Variants in TCL1B observed in about 807,000 individuals in gnomAD.
The protein encoded by TCL1B is TCL1 family AKT coactivator B, also known as T-cell leukemia/lymphoma protein 1B.
A neutral mutation model predicts 16.9 loss-of-function variants in TCL1B; 14 were observed. The observed-to-expected ratio is 0.83, with a 90% CI of 0.55 to 1.30. TCL1B has a LOEUF of 1.30. Ranked by LOEUF, TCL1B falls within the 50% of genes most tolerant of loss-of-function variation. The probability of loss-of-function intolerance (pLI) is 0.00; values close to 1 mark genes in which losing one functional copy is unlikely to be tolerated. For missense variants in TCL1B, 166 were observed against 165.2 expected, an observed-to-expected ratio of 1.00 and a Z score of -0.03; for synonymous variants, 79 against 66.6, an observed-to-expected ratio of 1.19 and a Z score of -0.91.
intron 1 of TCL1B, among the ~76,000 whole-genome samples, chr14:95,687,088 G>T (rs998302507): frequency 6.6e-6 from 1 of 152,224 alleles, no homozygotes; most frequent in African/African-American, 2.4e-5. Context: ...TCTGCAAAAT[G>T]AGAATAATAT....
chr14:95,686,765 C>T lies in TCL1B; in HGVS notation c.162+136C>T, dbSNP rs546605657. 25 of 1,080,728 alleles carry T rather than the reference C, an allele frequency of 2.3e-5. No homozygotes were observed. The African/African-American group carries it at 3.7e-4, about 16-fold the overall frequency. The allele number at this position is 1,080,728 out of a possible 1,614,324, so 66.9% of individuals were successfully genotyped here. On this transcript the variant is annotated intron_variant, in intron 1 of 3. Coordinates refer to ENST00000340722, the MANE Select transcript of TCL1B (RefSeq NM_004918.4). ...TCACTTCTGTGCAGGTCTAGGAGCGCAGCAATGTCCATGCCCAGCCCTGGC... is the reference window on the plus strand; with the variant it reads ...TCACTTCTGTGCAGGTCTAGGAGCGTAGCAATGTCCATGCCCAGCCCTGGC...
chr14:95,689,471 C>A (rs1885837857), intron 1 of TCL1B: 2 of 152,012 alleles, frequency 1.3e-5, no homozygotes, highest in African/African-American at 4.8e-5. Flanking sequence ...ATTAGGCTTC[C>A]TGGGCGACAC....
chr14:95,690,987 C>G (rs1885874277), intron 2 of TCL1B, 81 bp downstream of exon 2: 2 of 1,524,986 alleles, frequency 1.3e-6, no homozygotes, highest in African/African-American at 2.7e-5. Context: ...GTGCCCCTGG[C>G]CCCCTTGGGG....
intron 1 of TCL1B, among the ~76,000 whole-genome samples, 184 bp from the exon 2 acceptor site, chr14:95,690,552 G>C (rs1885856458): frequency 6.6e-6 from 1 of 152,058 alleles, no homozygotes; most frequent in East Asian, 1.9e-4. Context: ...GTGCAGGTCA[G>C]AGGGGGCCAG....
At chr14:95,690,478 AC>A (rs1566740485) in intron 1 of TCL1B, among the ~76,000 whole-genome samples, 1 of 152,036 alleles carries the variant, frequency 6.6e-6, no homozygotes, top group Non-Finnish European at 1.5e-5. Context: ...CTCAGCTTTA[AC>A]CCAAGGTGTT....
chr14:95,686,579 C>A lies in TCL1B; in HGVS notation c.112C>A (p.Arg38=), dbSNP rs75572239. 7 of 1,613,586 alleles carry A rather than the reference C, an allele frequency of 4.3e-6. No individual in the cohort carries two copies. Among genetic ancestry groups the A allele is most frequent in the East Asian group, 2.2e-5 (1 of 44,862 alleles). ...GAGAACCTGGGTGACTGTGGTCGTG[C>A]GGTTCAATCCCTCGCGTAGGGAATG... ...EGRTWVTVVV[R]FNPSRREWAR... Residue 38 remains arginine (R), a synonymous_variant, in exon 1 of 4, where the codon CGG becomes AGG. Transcript: ENST00000340722.
Position 95,690,792 on chromosome 14 carries a change from A to G in TCL1B, c.219A>G (p.Leu73=), listed in dbSNP as rs373229050. The G allele has an allele frequency of 2.5e-6, 4 of 1,613,896 alleles. No homozygotes were observed. Among genetic ancestry groups the G allele is most frequent in the South Asian group, 2.2e-5 (2 of 91,068 alleles). ...AGATGGCAGTGCATACCCGGGAGCTACTCTCCTCCGGCCAGATGCCCTTCT... is the reference window on the plus strand; with the variant it reads ...AGATGGCAGTGCATACCCGGGAGCTGCTCTCCTCCGGCCAGATGCCCTTCT... ...LWQMAVHTRE[L]LSSGQMPFSQ... is the part of the protein sequence containing the mutation. Residue 73 remains leucine, a synonymous_variant, in exon 2 of 4, where the codon CTA becomes CTG. Coordinates refer to ENST00000340722, the MANE Select transcript of TCL1B (RefSeq NM_004918.4).
At chr14:95,690,301 C>T (rs1321526474) in intron 1 of TCL1B, among the ~76,000 whole-genome samples, 2 of 152,158 alleles carry the variant, frequency 1.3e-5, no homozygotes, top group Admixed American at 6.5e-5. Flanking sequence ...TGCTCCCAGC[C>T]TTATTTCGTA....
chr14:95,687,270 A>C (rs919190727), intron 1 of TCL1B, among the ~76,000 whole-genome samples: 7 of 152,194 alleles, frequency 4.6e-5, no homozygotes, highest in Non-Finnish European at 1.0e-4. Flanking sequence ...ATAATGACTC[A>C]GGAAACGGCT....
chr14:95,687,448 T>G (rs1475670760), intron 1 of TCL1B, among the ~76,000 whole-genome samples: 1 of 151,946 alleles, frequency 6.6e-6, no homozygotes, highest in Non-Finnish European at 1.5e-5. Context: ...CAGCGCATCC[T>G]CTACTATATT....
intron 1 of TCL1B, among the ~76,000 whole-genome samples, chr14:95,689,068 C>T (rs1205416588): frequency 3.3e-5 from 5 of 152,168 alleles, no homozygotes; most frequent in East Asian, 1.9e-4. Flanking sequence ...GGGCGGATCA[C>T]AAGGTCAGGA....
chr14:95,690,148 A>C (rs1021517020), intron 1 of TCL1B, among the ~76,000 whole-genome samples: 10 of 152,200 alleles, frequency 6.6e-5, no homozygotes, highest in Non-Finnish European at 1.3e-4. Context: ...GACTGTAGGC[A>C]CATGCCACCA....
At position 95,690,127 on chromosome 14, in the gene TCL1B, C is replaced by T. The variant is rs188352939; in HGVS notation, c.163-609C>T. 2.5e-3 allele frequency among the ~76,000 whole-genome samples: 383 copies of T among 152,294 alleles called. 9 individuals are homozygous for T. The highest frequency in any genetic ancestry group is 0.022 in the Admixed American group (332 of 15,300). Reference sequence around the variant, plus strand: ...AAGAAATCTTCTCACCTTAGCTTCCCGAGTAGCTGGGACTGTAGGCACATG... The same window carrying T: ...AAGAAATCTTCTCACCTTAGCTTCCTGAGTAGCTGGGACTGTAGGCACATG... On this transcript the variant is annotated intron_variant, in intron 1 of 3. Coordinates refer to ENST00000340722, the MANE Select transcript of TCL1B (RefSeq NM_004918.4).
chr14:95,690,802 G>A lies in TCL1B; in HGVS notation c.229G>A (p.Gly77Ser), dbSNP rs183569746. ...GCATACCCGGGAGCTACTCTCCTCCGGCCAGATGCCCTTCTCCCAGCTGCC... is the reference window on the plus strand; with the variant it reads ...GCATACCCGGGAGCTACTCTCCTCCAGCCAGATGCCCTTCTCCCAGCTGCC... Reference protein sequence around the residue: ...AVHTRELLSSGQMPFSQLPAV... With the variant: ...AVHTRELLSSSQMPFSQLPAV... The change falls in exon 2 of 4, where the codon GGC becomes AGC. Residue 77 changes from glycine (G) to serine (S), a missense_variant. Gly to Ser is a moderately conservative substitution (Grantham distance 56). Transcript: ENST00000340722. 1.1e-5 allele frequency: 18 copies of A among 1,614,186 alleles called. No individual in the cohort carries two copies. Among genetic ancestry groups the A allele is most frequent in the African/African-American group, 2.7e-5 (2 of 75,038 alleles).
At position 95,686,600 on chromosome 14, in the gene TCL1B, G is replaced by C; in HGVS notation, c.133G>C (p.Glu45Gln). The change falls in exon 1 of 4, where the codon GAA becomes CAA. Residue 45 changes from glutamate to glutamine, a missense_variant. Coordinates refer to ENST00000340722, the MANE Select transcript of TCL1B (RefSeq NM_004918.4). ...VVVRFNPSRR[E>Q]WARASQGSRY... ...CGTGCGGTTCAATCCCTCGCGTAGG[G>C]AATGGGCCAGGGCCTCCCAGGGCAG... 6.2e-7 allele frequency: 1 copy of C among 1,612,612 alleles called. No homozygotes were observed. Among genetic ancestry groups the C allele is most frequent in the Non-Finnish European group, 8.5e-7 (1 of 1,179,160 alleles).
At chr14:95,687,525 A>G (rs1356950022) in intron 1 of TCL1B, among the ~76,000 whole-genome samples, 1 of 152,212 alleles carries the variant, frequency 6.6e-6, no homozygotes, top group Admixed American at 6.5e-5. Flanking sequence ...GCTTTTGGGA[A>G]CTTTGTGGAA....
chr14:95,690,779 A>C lies in TCL1B; in HGVS notation c.206A>C (p.His69Pro), dbSNP rs773219739. ...ITVHLWQMAV[H>P]TRELLSSGQM... Reference sequence around the variant, plus strand: ...GTGCACTTGTGGCAGATGGCAGTGCATACCCGGGAGCTACTCTCCTCCGGC... The same window carrying C: ...GTGCACTTGTGGCAGATGGCAGTGCCTACCCGGGAGCTACTCTCCTCCGGC... The change falls in exon 2 of 4, where the codon CAT (histidine) becomes CCT (proline). Residue 69 changes from histidine (H) to proline (P), a missense_variant. His to Pro is a moderately conservative substitution (Grantham distance 77). Transcript: ENST00000340722. 1.9e-5 allele frequency: 31 copies of C among 1,614,094 alleles called. No homozygotes were observed. Among genetic ancestry groups the C allele is most frequent in the Non-Finnish European group, 5.1e-6 (6 of 1,180,032 alleles).
At position 95,686,429 on chromosome 14, in the gene TCL1B, CGT is replaced by C; in HGVS notation, c.-35_-34del. 6.4e-7 allele frequency: 1 copy of C among 1,571,210 alleles called. No homozygotes were observed. On this transcript the variant is annotated 5_prime_UTR_variant, in exon 1 of 4. Transcript: ENST00000340722. ...GAGATTGCGCAGCTGGAAAGCTACA[CGT>C]GTGAGCCTAGAGGCGGGTCCCGGTT...
In TCL1B at chr14:95,689,111, C is replaced by T. The variant is rs186930092; in HGVS notation, c.163-1625C>T. 3.1e-3 allele frequency among the ~76,000 whole-genome samples: 476 copies of T among 152,018 alleles called. 3 individuals are homozygous for T. Among genetic ancestry groups the T allele is most frequent in the African/African-American group, 0.011 (442 of 41,480 alleles). On this transcript the variant is annotated intron_variant, in intron 1 of 3. Transcript: ENST00000340722. ...ACCATCCTGGCTAACACGGTGAAAC[C>T]CCGTCTCTACTAAAAATACAAAAAA...
Sources: allele counts gnomAD v4.1 joint callset (sites outside exome capture counted in the v4.1 genomes callset), GRCh38; gene constraint gnomAD v4.1.1; transcripts MANE v1.5; gene names NCBI Gene and HGNC (gene_info 2026-07-23, HGNC 2026-07-21).